Variants in GPC5 observed in about 807,000 individuals in gnomAD.
The protein encoded by GPC5 is glypican-5.
A neutral mutation model predicts 53.9 loss-of-function variants in GPC5; 47 were observed. The observed-to-expected ratio is 0.87, with a 90% CI of 0.69 to 1.11. The LOEUF (loss-of-function observed/expected upper bound fraction) is 1.11. Among genes scored for constraint, GPC5 ranks in the 50% most tolerant of loss-of-function variants. The pLI, the probability that GPC5 is intolerant of heterozygous loss-of-function variation, is 0.00. For missense variants in GPC5, 748 were observed against 713.1 expected (o/e 1.05, Z -0.56); for synonymous variants, 286 against 263.3 (o/e 1.09, Z -0.84).
chr13:92,383,892 A>G (rs2043770804), intron 7 of GPC5, among the ~76,000 whole-genome samples: 1 of 152,208 alleles, frequency 6.6e-6, no homozygotes, highest in Non-Finnish European at 1.5e-5. Flanking sequence ...GAATATAAAC[A>G]CTTTTCCCCA....
chr13:92,548,525 G>A (rs1320340190), intron 7 of GPC5, among the ~76,000 whole-genome samples: 3 of 151,806 alleles, frequency 2.0e-5, no homozygotes, highest in African/African-American at 7.3e-5. Context: ...TCTTTCTGGT[G>A]TTTGTCAAAT....
intron 7 of GPC5, among the ~76,000 whole-genome samples, chr13:92,541,048 T>C (rs1037714111): frequency 6.6e-6 from 1 of 151,902 alleles, no homozygotes; most frequent in Admixed American, 6.6e-5. Flanking sequence ...TAAGGACATA[T>C]ACATGTGGTT....
chr13:91,572,203 A>G (rs1228543927), intron 2 of GPC5, among the ~76,000 whole-genome samples: 2 of 128,868 alleles, frequency 1.6e-5, no homozygotes, highest in African/African-American at 6.3e-5. Context: ...ACACATATGT[A>G]TATATACGTG....
intron 2 of GPC5, among the ~76,000 whole-genome samples, chr13:91,502,054 T>C (rs950092842): frequency 5.9e-5 from 9 of 152,240 alleles, no homozygotes; most frequent in African/African-American, 1.9e-4. Context: ...CTTTGAGAAG[T>C]GTCTGTTCTT....
intron 1 of GPC5, among the ~76,000 whole-genome samples, chr13:91,407,704 C>T (rs1330652354): frequency 6.6e-6 from 1 of 152,068 alleles, no homozygotes; most frequent in Non-Finnish European, 1.5e-5. Context: ...TGGAACTATT[C>T]CTGAGCTGAT....
At chr13:92,802,197 C>T (rs935635708) in intron 7 of GPC5, among the ~76,000 whole-genome samples, 8 of 151,714 alleles carry the variant, frequency 5.3e-5, no homozygotes, top group African/African-American at 1.7e-4. Context: ...CTTACCATTG[C>T]GTTACAATTG....
At chr13:92,531,000 T>C (rs1176743969) in intron 7 of GPC5, among the ~76,000 whole-genome samples, 2 of 152,202 alleles carry the variant, frequency 1.3e-5, no homozygotes, top group African/African-American at 4.8e-5. Context: ...AAAGCCCGAA[T>C]ACTGAGCAGG....
chr13:91,778,222 T>C (rs1213652169), intron 5 of GPC5, among the ~76,000 whole-genome samples: 2 of 152,316 alleles, frequency 1.3e-5, no homozygotes, highest in Non-Finnish European at 2.9e-5. Context: ...TTCAACATCA[T>C]GCAGGACAAA....
intron 7 of GPC5, among the ~76,000 whole-genome samples, chr13:92,588,141 G>T (rs1025859967): frequency 6.6e-6 from 1 of 151,938 alleles, no homozygotes; most frequent in Non-Finnish European, 1.5e-5. Flanking sequence ...TGTTCTCATT[G>T]TTCAACTCCC....
At position 92,257,960 on chromosome 13, in the gene GPC5, T is replaced by C. The variant is rs561639129; in HGVS notation, c.1561+112971T>C. On this transcript the variant is annotated intron_variant, in intron 7 of 7. Transcript: ENST00000377067. ...TATTCAGAAGTAATAAAATGTTTTA[T>C]TTAAAAGGTATAATTTTTTAAAAAG... Among the ~76,000 whole-genome samples the C allele has an allele frequency of 2.6e-5, 4 of 152,324 alleles. No individual in the cohort carries two copies. The East Asian group carries it at 7.7e-4, about 29-fold the overall frequency.
At chr13:91,970,928 T>C (rs1272087523) in intron 6 of GPC5, among the ~76,000 whole-genome samples, 1 of 152,228 alleles carries the variant, frequency 6.6e-6, no homozygotes, top group Non-Finnish European at 1.5e-5. Flanking sequence ...TAAAGTTCTC[T>C]TTTTTGGTTG....
intron 2 of GPC5, among the ~76,000 whole-genome samples, chr13:91,671,780 C>CAAGAA (rs2035250114): frequency 3.0e-5 from 1 of 33,124 alleles, no homozygotes; most frequent in Non-Finnish European, 5.8e-5. Flanking sequence ...CAATCTGAAG[C>CAAGAA]AAAAAAAAAA....
At position 92,799,689 on chromosome 13, in the gene GPC5, T is replaced by C. The variant is rs149667471; in HGVS notation, c.1562-66593T>C. ...GATTCTTTAGTCCTTTACCAATGCC[T>C]GGGTTTGACTGTTTGTGTTAATACT... On this transcript the variant is annotated intron_variant, in intron 7 of 7. Transcript: ENST00000377067. Among the ~76,000 whole-genome samples, 15 of 151,944 alleles carry C rather than the reference T, an allele frequency of 9.9e-5. No individual in the cohort carries two copies. In the East Asian group the frequency reaches 2.9e-3, roughly 30 times the overall value.
chr13:92,611,148 A>G (rs1354716803), intron 7 of GPC5, among the ~76,000 whole-genome samples: 1 of 152,150 alleles, frequency 6.6e-6, no homozygotes. Context: ...TTCTGAAGCA[A>G]TAACTGTGGT....
At chr13:92,651,471 C>T (rs1298133746) in intron 7 of GPC5, among the ~76,000 whole-genome samples, 1 of 152,114 alleles carries the variant, frequency 6.6e-6, no homozygotes, top group Non-Finnish European at 1.5e-5. Flanking sequence ...TACAAAATAC[C>T]TGACAAGTAC....
intron 7 of GPC5, among the ~76,000 whole-genome samples, chr13:92,267,149 G>C (rs2042808102): frequency 6.6e-6 from 1 of 151,890 alleles, no homozygotes; most frequent in Admixed American, 6.6e-5. Context: ...ATATTGCCTA[G>C]CTTAAAAACA....
chr13:91,568,837 C>T (rs1432864455), intron 2 of GPC5, among the ~76,000 whole-genome samples: 5 of 151,620 alleles, frequency 3.3e-5, no homozygotes, highest in African/African-American at 1.2e-4. Context: ...CAACCTCCAC[C>T]CCCAGGGTTG....
intron 5 of GPC5, among the ~76,000 whole-genome samples, chr13:91,887,124 A>C (rs192963992): frequency 4.7e-4 from 71 of 152,264 alleles, no homozygotes; most frequent in Non-Finnish European, 9.4e-4. Context: ...ATTCTCTGAA[A>C]TCTAGGTGGA....
At chr13:91,651,108 G>A (rs1287099770) in intron 2 of GPC5, among the ~76,000 whole-genome samples, 1 of 152,036 alleles carries the variant, frequency 6.6e-6, no homozygotes, top group Non-Finnish European at 1.5e-5. Context: ...TATAAAAAGA[G>A]TTTCATCCAA....
Sources: allele counts gnomAD v4.1 joint callset (sites outside exome capture counted in the v4.1 genomes callset), GRCh38; gene constraint gnomAD v4.1.1; transcripts MANE v1.5; gene names NCBI Gene and HGNC (gene_info 2026-07-23, HGNC 2026-07-21).